CNTN3: variants seen among roughly 807,000 people sequenced by gnomAD.
CNTN3 encodes the protein contactin 3, also known as contactin-3.
In CNTN3, 60 loss-of-function variants were observed where a neutral mutation model predicts 119.1. The observed-to-expected ratio is 0.50, with a 90% CI of 0.41 to 0.62. CNTN3 has a LOEUF of 0.62. Among genes scored for constraint, CNTN3 ranks in the 20% least tolerant of loss-of-function variants. CNTN3 has a pLI of 0.00. For missense variants in CNTN3, 1,101 were observed against 1,242.4 expected, an observed-to-expected ratio of 0.89 and a Z score of 1.71; for synonymous variants, 450 against 438.7, an observed-to-expected ratio of 1.03 and a Z score of -0.32.
chr3:74,320,883 G>A (rs566536849), intron 13 of CNTN3, among the ~76,000 whole-genome samples: 14 of 151,476 alleles, frequency 9.2e-5, no homozygotes, highest in South Asian at 8.4e-4. Flanking sequence ...TCTTGTCTAT[G>A]TCTATATCCT....
chr3:74,450,292 A>G (rs1295623773), intron 4 of CNTN3, among the ~76,000 whole-genome samples: 1 of 152,096 alleles, frequency 6.6e-6, no homozygotes, highest in Non-Finnish European at 1.5e-5. Context: ...AAATCTAAGA[A>G]AAATGGTCTC....
At chr3:74,283,286 A>G (rs1702050802) in intron 20 of CNTN3, among the ~76,000 whole-genome samples, 1 of 152,146 alleles carries the variant, frequency 6.6e-6, no homozygotes, top group Non-Finnish European at 1.5e-5. Flanking sequence ...AAGCATGCTA[A>G]TACCTTCAAG....
chr3:74,526,302 G>A (rs980413277), intron 1 of CNTN3, among the ~76,000 whole-genome samples: 36 of 151,908 alleles, frequency 2.4e-4, no homozygotes, highest in African/African-American at 8.0e-4. Context: ...ACCTTTGGGT[G>A]TTGTACTGTG....
chr3:74,418,858 G>C (rs887854208), intron 5 of CNTN3, among the ~76,000 whole-genome samples: 1 of 151,532 alleles, frequency 6.6e-6, no homozygotes, highest in Non-Finnish European at 1.5e-5. Context: ...GTGCGATCTC[G>C]GCTTACTAAC....
chr3:74,459,974 A>T (rs1228753039), intron 4 of CNTN3, among the ~76,000 whole-genome samples: 3 of 152,038 alleles, frequency 2.0e-5, no homozygotes, highest in African/African-American at 7.2e-5. Context: ...ATTTTCTCCA[A>T]GTCTTACTGT....
intron 16 of CNTN3, 133 bp from the exon 17 acceptor site, chr3:74,300,071 A>G: frequency 2.1e-6 from 1 of 474,090 alleles, no homozygotes; most frequent in Non-Finnish European, 3.6e-6. Flanking sequence ...ATGGGTGTTT[A>G]TGTACATATA....
At chr3:74,527,793 T>C (rs1159858215) in intron 1 of CNTN3, among the ~76,000 whole-genome samples, 1 of 151,974 alleles carries the variant, frequency 6.6e-6, no homozygotes, top group Non-Finnish European at 1.5e-5. Context: ...GATGACTATT[T>C]GTACTTGACA....
chr3:74,612,619 T>A (rs1295780126), intron 1 of CNTN3, among the ~76,000 whole-genome samples: 1 of 152,188 alleles, frequency 6.6e-6, no homozygotes, highest in African/African-American at 2.4e-5. Context: ...ATCCTACTTT[T>A]AGACAGAAGG....
chr3:74,568,156 T>A (rs1175808310), intron 1 of CNTN3, among the ~76,000 whole-genome samples: 1 of 151,374 alleles, frequency 6.6e-6, no homozygotes, highest in African/African-American at 2.4e-5. Context: ...TAAAAAAAAA[T>A]TAAATGACAT....
chr3:74,409,752 C>A (rs1701407213), intron 5 of CNTN3, among the ~76,000 whole-genome samples: 1 of 152,092 alleles, frequency 6.6e-6, no homozygotes, highest in Admixed American at 6.6e-5. Context: ...ACTAAGAAGT[C>A]AATTTTTAGC....
chr3:74,339,452 C>T (rs1180695590), intron 11 of CNTN3, among the ~76,000 whole-genome samples: 1 of 152,122 alleles, frequency 6.6e-6, no homozygotes, highest in Non-Finnish European at 1.5e-5. Context: ...CTCTGGTTGA[C>T]CTGTATTCAT....
At chr3:74,346,139 CAAAG>C (rs1273680964) in intron 11 of CNTN3, among the ~76,000 whole-genome samples, 2 of 151,568 alleles carry the variant, frequency 1.3e-5, no homozygotes, top group Non-Finnish European at 2.9e-5. Context: ...GCTAGAGTAA[CAAAG>C]AAATAAATAC....
chr3:74,465,170 C>A (rs966665587), intron 4 of CNTN3, among the ~76,000 whole-genome samples: 8 of 152,194 alleles, frequency 5.3e-5, no homozygotes, highest in Non-Finnish European at 1.2e-4. Context: ...TGGATCTTAA[C>A]TTATAAAAGT....
At chr3:74,301,342 G>C (rs1702448656) in intron 16 of CNTN3, 56 bp downstream of exon 16, 3 of 1,559,600 alleles carry the variant, frequency 1.9e-6, no homozygotes, top group Non-Finnish European at 2.6e-6. Context: ...AGGGCCAAGG[G>C]AAATGGAAGT....
intron 2 of CNTN3, among the ~76,000 whole-genome samples, chr3:74,514,159 T>C (rs1488071054): frequency 2.6e-5 from 4 of 152,084 alleles, no homozygotes; most frequent in Non-Finnish European, 5.9e-5. Flanking sequence ...TGAAATCACA[T>C]GTGCATAGTG....
chr3:74,370,897 G>A (rs1419798860), intron 6 of CNTN3, among the ~76,000 whole-genome samples: 2 of 152,156 alleles, frequency 1.3e-5, no homozygotes, highest in Middle Eastern at 3.2e-3. Context: ...AGGGTCTCAT[G>A]CTTGGTATAA....
At chr3:74,572,525 G>A (rs746957461) in intron 1 of CNTN3, among the ~76,000 whole-genome samples, 5 of 151,722 alleles carry the variant, frequency 3.3e-5, no homozygotes, top group African/African-American at 4.8e-5. Context: ...AAAGGAAAAC[G>A]CAAAATGGTA....
intron 1 of CNTN3, among the ~76,000 whole-genome samples, chr3:74,590,143 T>C (rs1470670336): frequency 6.6e-6 from 1 of 151,152 alleles, no homozygotes; most frequent in Non-Finnish European, 1.5e-5. Flanking sequence ...AAAAAATAAA[T>C]AAACCAAAAA....
intron 3 of CNTN3, among the ~76,000 whole-genome samples, chr3:74,489,673 A>C: frequency 7.5e-6 from 1 of 133,728 alleles, no homozygotes. Flanking sequence ...CCTTTCAACC[A>C]ACAGCATAAT....
Sources: allele counts gnomAD v4.1 joint callset (sites outside exome capture counted in the v4.1 genomes callset), GRCh38; gene constraint gnomAD v4.1.1; transcripts MANE v1.5; gene names NCBI Gene and HGNC (gene_info 2026-07-23, HGNC 2026-07-21).